Variants in BBS9 observed in about 807,000 individuals in gnomAD.
BBS9 encodes the protein Bardet-Biedl syndrome 9.
A neutral mutation model predicts 117.7 loss-of-function variants in BBS9; 89 were observed. The observed-to-expected ratio is 0.76, with a 90% CI of 0.64 to 0.90. The LOEUF (loss-of-function observed/expected upper bound fraction) is 0.90. Among genes scored for constraint, BBS9 ranks in the 40% least tolerant of loss-of-function variants. The pLI is 0.00. For synonymous variants in BBS9, 379 were observed against 370.9 expected, an observed-to-expected ratio of 1.02 and a Z score of -0.25; for missense variants, 982 against 1,042.2, an observed-to-expected ratio of 0.94 and a Z score of 0.80.
intron 19 of BBS9, among the ~76,000 whole-genome samples, chr7:33,423,940 A>G (rs962920852): frequency 3.3e-4 from 50 of 152,260 alleles, no homozygotes; most frequent in African/African-American, 1.2e-3. Flanking sequence ...AGTTCAGTAA[A>G]TTTTACTAAA....
At chr7:33,182,855 C>A (rs908611213) in intron 5 of BBS9, among the ~76,000 whole-genome samples, 7 of 152,096 alleles carry the variant, frequency 4.6e-5, no homozygotes, top group Non-Finnish European at 1.0e-4. Context: ...CGAAACAGAT[C>A]CCCCAAAATT....
At chr7:33,502,639 G>A (rs2041417) in intron 19 of BBS9, among the ~76,000 whole-genome samples, 24,434 of 152,126 alleles carry the variant, frequency 0.16, 2,688 homozygotes, top group East Asian at 0.49. Flanking sequence ...CTCCTGATGT[G>A]GGAGGAGCTG....
At chr7:33,597,505 C>G (rs1006846197) in intron 21 of BBS9, among the ~76,000 whole-genome samples, 2 of 152,098 alleles carry the variant, frequency 1.3e-5, no homozygotes, top group Admixed American at 6.6e-5. Context: ...GTGGGACACT[C>G]TCATCCAATA....
chr7:33,476,076 T>C (rs918551946), intron 19 of BBS9, among the ~76,000 whole-genome samples: 2 of 152,218 alleles, frequency 1.3e-5, no homozygotes, highest in Non-Finnish European at 2.9e-5. Flanking sequence ...TAGAATGTTT[T>C]TCATGCAAAG....
At chr7:33,516,267 G>C (rs942483652) in intron 20 of BBS9, among the ~76,000 whole-genome samples, 3 of 151,746 alleles carry the variant, frequency 2.0e-5, no homozygotes, top group Admixed American at 6.6e-5. Flanking sequence ...GTGGCGGGTA[G>C]ATCATGAGGT....
At chr7:33,488,220 A>G (rs1466696993) in intron 19 of BBS9, among the ~76,000 whole-genome samples, 2 of 152,160 alleles carry the variant, frequency 1.3e-5, no homozygotes, top group South Asian at 2.1e-4. Flanking sequence ...GACTAGATTC[A>G]CTTCCCCTTT....
chr7:33,135,735 T>C (rs977931285), intron 1 of BBS9, among the ~76,000 whole-genome samples: 2 of 152,224 alleles, frequency 1.3e-5, no homozygotes, highest in African/African-American at 4.8e-5. Flanking sequence ...GGGAATCTGA[T>C]AGGGATTGCA....
chr7:33,425,959 C>G (rs868279354), intron 19 of BBS9, among the ~76,000 whole-genome samples: 5 of 152,108 alleles, frequency 3.3e-5, no homozygotes, highest in Admixed American at 3.3e-4. Context: ...TAATTTTTTA[C>G]ATTAAAATAA....
At chr7:33,314,217 A>G in intron 9 of BBS9, 1 of 416,002 alleles carries the variant, frequency 2.4e-6, no homozygotes, top group Non-Finnish European at 4.6e-6. Flanking sequence ...AAGGACTTCA[A>G]TATCTAATTT....
At chr7:33,633,877 A>G (rs1053661364) in intron 21 of BBS9, among the ~76,000 whole-genome samples, 1 of 152,134 alleles carries the variant, frequency 6.6e-6, no homozygotes, top group African/African-American at 2.4e-5. Flanking sequence ...CTGTTTCCCT[A>G]TCCAGCCCTC....
At chr7:33,425,265 A>G (rs1466815311) in intron 19 of BBS9, among the ~76,000 whole-genome samples, 7 of 152,156 alleles carry the variant, frequency 4.6e-5, no homozygotes, top group African/African-American at 1.7e-4. Context: ...TATCCAGTGG[A>G]GCTCAATTAT....
At chr7:33,544,999 A>C (rs1205089671) in intron 21 of BBS9, among the ~76,000 whole-genome samples, 1 of 151,996 alleles carries the variant, frequency 6.6e-6, no homozygotes, top group African/African-American at 2.4e-5. Flanking sequence ...CACAGGCCTT[A>C]CCCAGCTCCC....
chr7:33,430,970 C>T (rs915984415), intron 19 of BBS9, among the ~76,000 whole-genome samples: 10 of 150,804 alleles, frequency 6.6e-5, no homozygotes, highest in Admixed American at 6.6e-4. Context: ...GGGTGGATCG[C>T]TTGAACTCAG....
At chr7:33,131,755 G>A (rs949406621) in intron 1 of BBS9, among the ~76,000 whole-genome samples, 4 of 152,108 alleles carry the variant, frequency 2.6e-5, no homozygotes, top group Middle Eastern at 3.4e-3. Flanking sequence ...GTGAGACCTC[G>A]TCTTTGCCGA....
At chr7:33,294,343 A>C (rs1300225314) in intron 9 of BBS9, among the ~76,000 whole-genome samples, 38 of 116,256 alleles carry the variant, frequency 3.3e-4, no homozygotes, top group Middle Eastern at 4.1e-3. Context: ...CTATCTATCT[A>C]TCTATCTATC....
chr7:33,566,960 T>A (rs1433534743), intron 21 of BBS9, among the ~76,000 whole-genome samples: 1 of 152,062 alleles, frequency 6.6e-6, no homozygotes, highest in East Asian at 1.9e-4. Flanking sequence ...TTTCCCCAGG[T>A]TGTAAGTTTC....
At position 33,383,654 on chromosome 7, in the gene BBS9, T is replaced by A; in HGVS notation, c.1790-12T>A. The A allele has an allele frequency of 6.3e-7, 1 of 1,594,268 alleles. No homozygotes were observed. The highest frequency in any genetic ancestry group is 8.6e-7 in the Non-Finnish European group (1 of 1,167,510). ...TGTTACTAAGCATTTTTCCTTAATT[T>A]TTTTCTCTCAGAACGATATCGCATT... On this transcript the variant is annotated splice_polypyrimidine_tract_variant and intron_variant, in intron 17 of 22. Transcript: ENST00000242067.
intron 1 of BBS9, among the ~76,000 whole-genome samples, chr7:33,132,682 A>T (rs954562150): frequency 3.3e-5 from 5 of 152,190 alleles, no homozygotes; most frequent in Non-Finnish European, 7.4e-5. Context: ...TTTTATTACT[A>T]TTGTTCCTTA....
chr7:33,536,676 G>GGGCTTCCCCCCGCCCCCC (rs1851424502), intron 21 of BBS9, among the ~76,000 whole-genome samples: 1 of 30,818 alleles, frequency 3.2e-5, no homozygotes, highest in African/African-American at 1.1e-4. Context: ...TCTGTGATTC[G>GGGCTTCCCCCCGCCCCCC]GCCTTCCCCC....
Sources: gnomAD v4.1 joint callset for allele counts (sites outside exome capture counted in the v4.1 genomes callset) on GRCh38, gnomAD v4.1.1 for gene constraint, MANE v1.5 for transcripts, NCBI Gene and HGNC (gene_info 2026-07-23, HGNC 2026-07-21) for gene names.